The following ADGRG6 variants were observed in gnomAD, a reference collection of about 807,000 sequenced individuals.
ADGRG6 encodes the protein adhesion G protein-coupled receptor G6.
Under a neutral mutation model 142.4 loss-of-function variants are expected in ADGRG6, and 84 were observed. The observed-to-expected ratio is 0.59, with a 90% CI of 0.49 to 0.71. The LOEUF is 0.71. Ranked by LOEUF, ADGRG6 falls within the 30% of genes least tolerant of loss-of-function variation. ADGRG6 has a pLI of 0.00. For missense variants in ADGRG6, 1,367 were observed against 1,466.6 expected (o/e 0.93, Z 1.11); for synonymous variants, 521 against 520.5 (o/e 1.00, Z -0.01).
intron 1 of ADGRG6, among the ~76,000 whole-genome samples, chr6:142,306,787 T>A (rs1429361720): frequency 6.6e-6 from 1 of 152,284 alleles, no homozygotes; most frequent in African/African-American, 2.4e-5. Context: ...CAGGGATATA[T>A]CTTTGCTAAG....
intron 2 of ADGRG6, among the ~76,000 whole-genome samples, chr6:142,321,588 GGACA>G (rs1778521536): frequency 6.6e-6 from 1 of 151,892 alleles, no homozygotes; most frequent in Non-Finnish European, 1.5e-5. Context: ...ACAAAGAGAG[GGACA>G]TAGAGTACGT....
chr6:142,387,821 T>G (rs951132330), intron 6 of ADGRG6, among the ~76,000 whole-genome samples: 2 of 152,192 alleles, frequency 1.3e-5, no homozygotes, highest in African/African-American at 4.8e-5. Context: ...CTGCTTGAAG[T>G]TCTACATGCT....
At chr6:142,313,897 T>A (rs1464055773) in intron 2 of ADGRG6, among the ~76,000 whole-genome samples, 1 of 152,112 alleles carries the variant, frequency 6.6e-6, no homozygotes, top group Non-Finnish European at 1.5e-5. Flanking sequence ...TAAAAAAAAA[T>A]TCAGTATTGT....
In ADGRG6 at chr6:142,354,250, G is replaced by A. The variant is rs185655792; in HGVS notation, c.104-13319G>A. Among the ~76,000 whole-genome samples the A allele has an allele frequency of 1.8e-3, 267 of 152,196 alleles. 2 individuals are homozygous for A. Among genetic ancestry groups the A allele is most frequent in the South Asian group, 3.5e-3 (17 of 4,822 alleles). On this transcript the variant is annotated intron_variant, in intron 2 of 24. Transcript: ENST00000367609. Reference sequence around the variant, plus strand: ...CAAAATTAGCTGGGCGTGGTGGCACGCGCCTGTAATCCCGGCTACTCAGGA... The same window carrying A: ...CAAAATTAGCTGGGCGTGGTGGCACACGCCTGTAATCCCGGCTACTCAGGA...
At chr6:142,323,996 A>G (rs1342824004) in intron 2 of ADGRG6, among the ~76,000 whole-genome samples, 1 of 151,986 alleles carries the variant, frequency 6.6e-6, no homozygotes, top group Non-Finnish European at 1.5e-5. Flanking sequence ...CTCTTCTTCA[A>G]CCTAAGCTGC....
intron 2 of ADGRG6, among the ~76,000 whole-genome samples, chr6:142,319,589 G>A (rs943628351): frequency 6.6e-6 from 1 of 152,046 alleles, no homozygotes; most frequent in East Asian, 1.9e-4. Context: ...ATTTAAATCA[G>A]ATTTACCACC....
At chr6:142,365,932 G>T (rs1346678823) in intron 2 of ADGRG6, among the ~76,000 whole-genome samples, 1 of 152,066 alleles carries the variant, frequency 6.6e-6, no homozygotes, top group Non-Finnish European at 1.5e-5. Flanking sequence ...AAGAGGGAGG[G>T]ATATAATAAA....
At chr6:142,400,437 T>C (rs757185331) in intron 10 of ADGRG6, 48 bp from the exon 11 acceptor site, 1 of 928,950 alleles carries the variant, frequency 1.1e-6, no homozygotes, top group South Asian at 1.4e-5. Flanking sequence ...ATCTCTAACT[T>C]TAAAAAATAG....
intron 24 of ADGRG6, among the ~76,000 whole-genome samples, chr6:142,441,524 A>C (rs962653629): frequency 7.2e-5 from 11 of 152,184 alleles, no homozygotes; most frequent in Non-Finnish European, 1.3e-4. Flanking sequence ...ATATATAAAA[A>C]TACAGCCCTC....
rs79999195 is a variant in ADGRG6, at chr6:142,351,915, A to G, written c.104-15654A>G. On this transcript the variant is annotated intron_variant, in intron 2 of 24. Coordinates refer to ENST00000367609, the MANE Select transcript of ADGRG6 (RefSeq NM_198569.3). Reference sequence around the variant, plus strand: ...ATGCAAATCAAAACTACAGTGAAATACCATCTCACACCAGTCATAATGGCC... The same window carrying G: ...ATGCAAATCAAAACTACAGTGAAATGCCATCTCACACCAGTCATAATGGCC... Among the ~76,000 whole-genome samples, 220 of 152,288 alleles carry G rather than the reference A, an allele frequency of 1.4e-3. 1 individual carries two copies. The highest frequency in any genetic ancestry group is 5.1e-3 in the African/African-American group (213 of 41,562).
At chr6:142,334,424 A>G (rs1476597159) in intron 2 of ADGRG6, among the ~76,000 whole-genome samples, 1 of 152,234 alleles carries the variant, frequency 6.6e-6, no homozygotes, top group Non-Finnish European at 1.5e-5. Context: ...AAACATTAAC[A>G]GATTATAGAA....
rs777599022 is a variant in ADGRG6, at chr6:142,405,710, T to C, written c.2150T>C (p.Val717Ala). 2 of 1,607,380 alleles carry C rather than the reference T, an allele frequency of 1.2e-6. No individual in the cohort carries two copies. Among genetic ancestry groups the C allele is most frequent in the Middle Eastern group, 3.3e-4 (2 of 6,038 alleles). Reference protein sequence around the residue: ...YFQMDFESGQVDPLASVILPP... With the variant: ...YFQMDFESGQADPLASVILPP... Reference sequence around the variant, plus strand: ...CAGATGGATTTTGAGAGTGGACAAGTGGATCCACTGGCATCTGTAATTTTG... The same window carrying C: ...CAGATGGATTTTGAGAGTGGACAAGCGGATCCACTGGCATCTGTAATTTTG... Residue 717 changes from valine to alanine, a missense_variant, in exon 15 of 25, where the codon GTG becomes GCG. By Grantham distance (64) the Val-to-Ala change is moderately conservative. Transcript: ENST00000367609.
chr6:142,321,918 T>C (rs551487825), intron 2 of ADGRG6, among the ~76,000 whole-genome samples: 10 of 152,276 alleles, frequency 6.6e-5, no homozygotes, highest in African/African-American at 2.4e-4. Flanking sequence ...ATTTCACTGC[T>C]CCCAAAACTA....
At chr6:142,387,812 T>C (rs1782105511) in intron 6 of ADGRG6, among the ~76,000 whole-genome samples, 1 of 152,234 alleles carries the variant, frequency 6.6e-6, no homozygotes, top group Non-Finnish European at 1.5e-5. Context: ...CAGTGATTTC[T>C]GCTTGAAGTT....
intron 4 of ADGRG6, among the ~76,000 whole-genome samples, chr6:142,380,078 C>G (rs576686002): frequency 6.6e-6 from 1 of 152,214 alleles, no homozygotes; most frequent in East Asian, 1.9e-4. Context: ...TTCTGATTGA[C>G]AATTGATTGA....
At chr6:142,329,136 T>C (rs1347143387) in intron 2 of ADGRG6, among the ~76,000 whole-genome samples, 1 of 152,148 alleles carries the variant, frequency 6.6e-6, no homozygotes, top group Non-Finnish European at 1.5e-5. Context: ...GATAATTAAA[T>C]AAGTAAAATG....
chr6:142,390,001 A>G (rs938276101), intron 6 of ADGRG6, among the ~76,000 whole-genome samples: 3 of 151,876 alleles, frequency 2.0e-5, no homozygotes, highest in Admixed American at 6.6e-5. Flanking sequence ...ATGAAGAAAC[A>G]TATGCAAGTA....
intron 22 of ADGRG6, among the ~76,000 whole-genome samples, chr6:142,429,914 G>A (rs1001019270): frequency 7.2e-5 from 11 of 152,244 alleles, no homozygotes; most frequent in African/African-American, 2.4e-4. Context: ...AAAATTAGGT[G>A]TAGTGGTGTG....
chr6:142,330,875 AGCC>A (rs1192813786), intron 2 of ADGRG6, among the ~76,000 whole-genome samples: 1 of 152,158 alleles, frequency 6.6e-6, no homozygotes, highest in African/African-American at 2.4e-5. Flanking sequence ...GAGGAACTAT[AGCC>A]AATATTTTTA....
Sources: allele counts gnomAD v4.1 joint callset (sites outside exome capture counted in the v4.1 genomes callset), GRCh38; gene constraint gnomAD v4.1.1; transcripts MANE v1.5; gene names NCBI Gene and HGNC (gene_info 2026-07-23, HGNC 2026-07-21).